CYYR1: variants seen among roughly 807,000 people sequenced by gnomAD.
The protein encoded by CYYR1 is cysteine and tyrosine rich 1, also known as cysteine and tyrosine-rich protein 1.
A neutral mutation model predicts 15.2 loss-of-function variants in CYYR1; 14 were observed. The observed-to-expected ratio is 0.92, with a 90% CI of 0.61 to 1.44. The LOEUF is 1.44. CYYR1 is among the 40% of genes most tolerant of loss of function. The pLI is 0.00. For synonymous variants in CYYR1, 80 were observed against 77.4 expected (o/e 1.03, Z -0.18); for missense variants, 228 against 209.5 (o/e 1.09, Z -0.54).
chr21:26,474,927 C>T (rs533508485), intron 3 of CYYR1, among the ~76,000 whole-genome samples: 1 of 152,268 alleles, frequency 6.6e-6, no homozygotes, highest in African/African-American at 2.4e-5. Context: ...TATGGGCCAT[C>T]ACTAAAATTA....
chr21:26,481,570 T>C (rs1003447884), intron 2 of CYYR1, among the ~76,000 whole-genome samples: 6 of 152,122 alleles, frequency 3.9e-5, no homozygotes, highest in African/African-American at 9.7e-5. Flanking sequence ...TGTTCTTTTT[T>C]ATGGCTGCAT....
chr21:26,478,223 A>G, intron 3 of CYYR1: 1 of 1,495,754 alleles, frequency 6.7e-7, no homozygotes. Flanking sequence ...ACTCTGGATA[A>G]AAAGCAGAGC....
At chr21:26,521,191 TTAAAA>T (rs550851833) in intron 2 of CYYR1, among the ~76,000 whole-genome samples, 23 of 152,256 alleles carry the variant, frequency 1.5e-4, no homozygotes, top group East Asian at 1.2e-3. Context: ...ATCTTGGAAC[TTAAAA>T]TAAAATAAAA....
chr21:26,477,187 A>G (rs1340341658), intron 3 of CYYR1, among the ~76,000 whole-genome samples: 8 of 152,152 alleles, frequency 5.3e-5, no homozygotes, highest in Non-Finnish European at 2.9e-5. Context: ...TGTTATCTCA[A>G]TTATCATAGG....
rs757702759 is a variant in CYYR1, at chr21:26,572,930, G to C, written c.11C>G (p.Pro4Arg). The C allele has an allele frequency of 5.0e-6, 8 of 1,613,942 alleles. No homozygotes were observed. The highest frequency in any genetic ancestry group is 3.3e-5 in the South Asian group (3 of 91,068). Residue 4 changes from proline to arginine, a missense_variant, in exon 1 of 4, where the codon CCG (proline) becomes CGG (arginine). Pro to Arg is a moderately radical substitution (Grantham distance 103). Coordinates refer to ENST00000652641, the MANE Select transcript of CYYR1 (RefSeq NM_001320768.2). MDA[P>R]RLPVRPGVLL... ...GACCCCTGGACGCACGGGTAGCCTCGGAGCGTCCATCCAAGCCGGTGGCCT... is the reference window on the plus strand; with the variant it reads ...GACCCCTGGACGCACGGGTAGCCTCCGAGCGTCCATCCAAGCCGGTGGCCT...
intron 2 of CYYR1, among the ~76,000 whole-genome samples, chr21:26,557,895 A>G (rs1979910330): frequency 6.6e-6 from 1 of 152,176 alleles, no homozygotes; most frequent in Admixed American, 6.6e-5. Context: ...AATATTCCCC[A>G]TTAGTTCTCA....
chr21:26,484,488 TTAGTAATTAAATAA>T (rs1378877153), intron 2 of CYYR1, among the ~76,000 whole-genome samples: 1 of 152,132 alleles, frequency 6.6e-6, no homozygotes, highest in African/African-American at 2.4e-5. Flanking sequence ...TGTGTTGCTA[TTAGTAATTAAATAA>T]TAGCAGAGTC....
chr21:26,568,289 T>G (rs1025171709), intron 1 of CYYR1: 2 of 152,172 alleles, frequency 1.3e-5, no homozygotes, highest in Non-Finnish European at 2.9e-5. Flanking sequence ...TTGCTTCATG[T>G]TCTTAAAAGC....
intron 2 of CYYR1, 36 bp downstream of exon 2, chr21:26,566,230 A>G: frequency 2.1e-6 from 3 of 1,441,312 alleles, no homozygotes; most frequent in Non-Finnish European, 2.9e-6. Flanking sequence ...GACAAGAGGA[A>G]GAGCATCAGT....
intron 2 of CYYR1, among the ~76,000 whole-genome samples, chr21:26,482,770 A>T (rs534231435): frequency 6.6e-6 from 1 of 152,190 alleles, no homozygotes; most frequent in Non-Finnish European, 1.5e-5. Flanking sequence ...GCTGTAAAGA[A>T]TTCCCATGGC....
intron 2 of CYYR1, among the ~76,000 whole-genome samples, chr21:26,500,039 C>A (rs2065459210): frequency 6.6e-6 from 1 of 152,040 alleles, no homozygotes; most frequent in African/African-American, 2.4e-5. Context: ...AGTCCAAGAT[C>A]AAGGTGCTGG....
At chr21:26,498,393 AAGAAG>A (rs1488588765) in intron 2 of CYYR1, among the ~76,000 whole-genome samples, 3 of 152,202 alleles carry the variant, frequency 2.0e-5, no homozygotes, top group African/African-American at 7.2e-5. Flanking sequence ...TTAGTCAAGG[AAGAAG>A]AGAAAAGAGT....
In CYYR1 at chr21:26,467,637, A is replaced by G. The variant is rs181926961; in HGVS notation, c.*864T>C. The G allele has an allele frequency of 2.6e-5, 4 of 151,978 alleles. No homozygotes were observed. Among genetic ancestry groups the G allele is most frequent in the East Asian group, 1.9e-4 (1 of 5,170 alleles). The allele number at this position is 151,978 out of a possible 1,614,324, so 9.4% of individuals were successfully genotyped here. On this transcript the variant is annotated 3_prime_UTR_variant, in exon 4 of 4. Transcript: ENST00000652641. ...TTGATACAATTTTTTTTTTCTCCCCACAGTTAGAATAACCTTTATTCTGAT... is the reference window on the plus strand; with the variant it reads ...TTGATACAATTTTTTTTTTCTCCCCGCAGTTAGAATAACCTTTATTCTGAT...
Position 26,565,057 on chromosome 21 carries a change from C to T in CYYR1, c.176+1209G>A, listed in dbSNP as rs552202686. Among the ~76,000 whole-genome samples the T allele has an allele frequency of 2.1e-3, 320 of 152,192 alleles. 1 individual carries two copies. Among genetic ancestry groups the T allele is most frequent in the African/African-American group, 7.2e-3 (301 of 41,522 alleles). ...GAAAAATTCAAACATTTTATTGGAG[C>T]TTATTTGCATTTCAAGGAAGGCTTA... On this transcript the variant is annotated intron_variant, in intron 2 of 3. Transcript: ENST00000652641.
intron 1 of CYYR1, among the ~76,000 whole-genome samples, chr21:26,570,315 C>T (rs2123749921): frequency 6.6e-6 from 1 of 152,252 alleles, no homozygotes; most frequent in Admixed American, 6.5e-5. Context: ...CCCCTGACTC[C>T]CAACTCACCC....
chr21:26,533,030 A>C (rs963094518), intron 2 of CYYR1, among the ~76,000 whole-genome samples: 2 of 151,914 alleles, frequency 1.3e-5, no homozygotes, highest in African/African-American at 4.8e-5. Context: ...AATCCAAAAA[A>C]TTCTTAAGTC....
At chr21:26,526,277 G>A (rs1297723010) in intron 2 of CYYR1, among the ~76,000 whole-genome samples, 2 of 151,996 alleles carry the variant, frequency 1.3e-5, no homozygotes, top group Admixed American at 6.6e-5. Flanking sequence ...GTGAAATCCC[G>A]TCTCTACTAA....
chr21:26,512,262 G>A (rs962929155), intron 2 of CYYR1, among the ~76,000 whole-genome samples: 3 of 151,766 alleles, frequency 2.0e-5, no homozygotes, highest in Admixed American at 1.3e-4. Flanking sequence ...GCAATGGTGC[G>A]ATCTTGGCTC....
intron 2 of CYYR1, among the ~76,000 whole-genome samples, chr21:26,504,168 C>T (rs990125438): frequency 1.3e-5 from 2 of 152,090 alleles, no homozygotes; most frequent in African/African-American, 4.8e-5. Flanking sequence ...CAGAATTTGT[C>T]ACCAGTAACA....
Sources: gnomAD v4.1 joint callset for allele counts (sites outside exome capture counted in the v4.1 genomes callset) on GRCh38, gnomAD v4.1.1 for gene constraint, MANE v1.5 for transcripts, NCBI Gene and HGNC (gene_info 2026-07-23, HGNC 2026-07-21) for gene names.